The following EIF3A variants were observed in gnomAD, a reference collection of about 807,000 sequenced individuals.
The protein encoded by EIF3A is EIF3, p180 subunit.
EIF3A carries 21 observed loss-of-function variants against 186.6 expected under a neutral mutation model. The ratio of observed to expected loss-of-function variants is 0.11; its 90% CI spans 0.08 to 0.16. EIF3A has a LOEUF of 0.16. Ranked by LOEUF, EIF3A falls within the 10% of genes least tolerant of loss-of-function variation. The pLI is 1.00. For synonymous variants in EIF3A, 563 were observed against 584.3 expected, an observed-to-expected ratio of 0.96 and a Z score of 0.52; for missense variants, 1,306 against 1,796.3, an observed-to-expected ratio of 0.73 and a Z score of 4.93.
chr10:119,045,423 A>T (rs1471634602), intron 17 of EIF3A, among the ~76,000 whole-genome samples: 3 of 152,196 alleles, frequency 2.0e-5, no homozygotes, highest in African/African-American at 7.2e-5. Flanking sequence ...TCCCAAGTAA[A>T]CACCTTGAGA....
intron 14 of EIF3A, among the ~76,000 whole-genome samples, chr10:119,053,923 G>T (rs1479609107): frequency 6.6e-6 from 1 of 152,064 alleles, no homozygotes; most frequent in African/African-American, 2.4e-5. Flanking sequence ...TTCCTTTATT[G>T]ATTGATTGAT....
At position 119,080,700 on chromosome 10, in the gene EIF3A, C is replaced by G; in HGVS notation, c.-24G>C. 6.3e-7 allele frequency: 1 copy of G among 1,582,046 alleles called. No homozygotes were observed. Among genetic ancestry groups the G allele is most frequent in the Non-Finnish European group, 8.6e-7 (1 of 1,165,458 alleles). On this transcript the variant is annotated 5_prime_UTR_variant, in exon 1 of 22. Coordinates refer to ENST00000369144, the MANE Select transcript of EIF3A (RefSeq NM_003750.4). The stretch of plus-strand genomic sequence containing the variant: ...ATCTTGGCGGCAGGCTCAGCTCACC[C>G]GGCGTCAGCGAACTCTCTAGTGGCC...
intron 14 of EIF3A, among the ~76,000 whole-genome samples, chr10:119,055,747 AAAT>A (rs1843767371): frequency 6.6e-6 from 1 of 152,128 alleles, no homozygotes; most frequent in South Asian, 2.1e-4. Flanking sequence ...TAATAAAATA[AAAT>A]AATAAATATG....
rs372690463 is a variant in EIF3A at position 119,062,743 on chromosome 10, C to CTTTTT, written c.1123-1420_1123-1416dup. On this transcript the variant is annotated intron_variant, in intron 7 of 21. Transcript: ENST00000369144. ...ATTAAATCTAAGTCTAAGAGATCAC[C>CTTTTT]TTTTTTTTTTTTTTTTTTTTTTGAG... Among the ~76,000 whole-genome samples, 128 of 91,036 alleles carry CTTTTT rather than the reference C, an allele frequency of 1.4e-3. 3 individuals are homozygous for CTTTTT. Among genetic ancestry groups the CTTTTT allele is most frequent in the South Asian group, 4.6e-3 (11 of 2,400 alleles). 59.7% of individuals were successfully genotyped at this position (91,036 alleles called of 152,430 possible). A position where few individuals can be genotyped will look rare whatever the true frequency, so the allele number is the denominator to read the frequency against.
intron 3 of EIF3A, 25 bp downstream of exon 3, chr10:119,073,416 T>C (rs1159727006): frequency 6.6e-7 from 1 of 1,521,270 alleles, no homozygotes; most frequent in Admixed American, 2.0e-5. Context: ...TATCAAAGCA[T>C]TTATTAGAGG....
intron 18 of EIF3A, among the ~76,000 whole-genome samples, chr10:119,043,196 ATTTC>A (rs1267966702): frequency 2.0e-5 from 3 of 152,078 alleles, no homozygotes; most frequent in Non-Finnish European, 2.9e-5. Flanking sequence ...AGGCAGGCAG[ATTTC>A]TTGAGGTCAG....
intron 14 of EIF3A, among the ~76,000 whole-genome samples, chr10:119,054,353 T>C (rs948053143): frequency 3.9e-5 from 6 of 152,206 alleles, no homozygotes; most frequent in Non-Finnish European, 7.3e-5. Flanking sequence ...ACTTTTTCCA[T>C]ATCAGCAATA....
chr10:119,059,497 G>A, intron 10 of EIF3A, 100 bp from the exon 11 acceptor site: 4 of 1,305,108 alleles, frequency 3.1e-6, no homozygotes, highest in South Asian at 1.3e-5. Context: ...AGTTCACTCA[G>A]TAAACTTTAA....
In EIF3A at chr10:119,060,820, G is replaced by C; in HGVS notation, c.1252C>G (p.Pro418Ala). The C allele has an allele frequency of 1.9e-6, 3 of 1,611,104 alleles. No homozygotes were observed. The highest frequency in any genetic ancestry group is 2.5e-6 in the Non-Finnish European group (3 of 1,178,714). ...TKVLNWVREQ[P>A]EKEPELQQYV... ...TGCTGCAATTCCGGTTCCTTTTCAG[G>C]TTGTTCCCTAACCCAATTTAGAACC... Residue 418 changes from proline to alanine, a missense_variant, in exon 9 of 22, where the codon CCT (proline) becomes GCT (alanine). Coordinates refer to ENST00000369144, the MANE Select transcript of EIF3A (RefSeq NM_003750.4).
In EIF3A at chr10:119,072,922, A is replaced by G; in HGVS notation, c.509T>C (p.Val170Ala). 1 of 1,613,928 alleles carries G rather than the reference A, an allele frequency of 6.2e-7. No individual in the cohort carries two copies. Among genetic ancestry groups the G allele is most frequent in the Non-Finnish European group, 8.5e-7 (1 of 1,180,000 alleles). The change falls in exon 4 of 22, where the codon GTA (valine) becomes GCA (alanine). Residue 170 changes from valine (V) to alanine (A), a missense_variant. Transcript: ENST00000369144. ...CLDLLRNNSR[V>A]ERLYHDIAQQ... Reference sequence around the variant, plus strand: ...GGCAATATCATGGTACAGGCGCTCTACTCTAGAATTGTTTCTAAGAAGGTC... The same window carrying G: ...GGCAATATCATGGTACAGGCGCTCTGCTCTAGAATTGTTTCTAAGAAGGTC...
chr10:119,035,138 C>A lies in EIF3A; in HGVS notation c.*901G>T, dbSNP rs1378922604. On this transcript the variant is annotated 3_prime_UTR_variant, in exon 22 of 22. Coordinates refer to ENST00000369144, the MANE Select transcript of EIF3A (RefSeq NM_003750.4). ...ACCAAATAGTTCATCTTTAACATAG[C>A]TACTGCGCTCCAAAATTGAAGTCAA... is the stretch of plus-strand genomic sequence containing the variant. The A allele has an allele frequency of 1.3e-5, 2 of 152,382 alleles. No homozygotes were observed. The highest frequency in any genetic ancestry group is 4.8e-5 in the African/African-American group (2 of 41,370). The allele number at this position is 152,382 out of a possible 1,614,324, so 9.4% of individuals were successfully genotyped here.
intron 17 of EIF3A, among the ~76,000 whole-genome samples, chr10:119,046,473 T>C (rs1848283768): frequency 6.6e-6 from 1 of 152,142 alleles, no homozygotes; most frequent in African/African-American, 2.4e-5. Context: ...TTCGCTAATA[T>C]GGATGGAAAA....
Position 119,070,963 on chromosome 10 carries a change from TATTAAG to T in EIF3A, c.658_663del (p.Leu220_Asn221del), listed in dbSNP as rs1844061341. 3 of 1,613,916 alleles carry T rather than the reference TATTAAG, an allele frequency of 1.9e-6. No homozygotes were observed. The highest frequency in any genetic ancestry group is 1.3e-5 in the African/African-American group (1 of 74,936). ...AAATGCATGGACTGGCTCTCTGGAT[TATTAAG>T]ATTGATTGCCGTACTTTGGTTATGG... On this transcript the variant is annotated inframe_deletion, in exon 5 of 22. Transcript: ENST00000369144.
chr10:119,051,033 T>C (rs1776306048), intron 15 of EIF3A, among the ~76,000 whole-genome samples, 166 bp downstream of exon 15: 1 of 152,250 alleles, frequency 6.6e-6, no homozygotes. Flanking sequence ...TAGAACAATT[T>C]TGATGATTGT....
chr10:119,072,024 C>CAAAAAAAAAAAAAA (rs56100757), intron 4 of EIF3A, among the ~76,000 whole-genome samples: 7 of 59,454 alleles, frequency 1.2e-4, no homozygotes, highest in East Asian at 5.1e-4. Flanking sequence ...GACTCTGTCT[C>CAAAAAAAAAAAAAA]AAAAAAAAAA....
At chr10:119,060,111 AAAG>A (rs745369486) in intron 9 of EIF3A, 8 of 510,058 alleles carry the variant, frequency 1.6e-5, no homozygotes, top group South Asian at 8.6e-5. Flanking sequence ...TACTCACATA[AAAG>A]AAAGCAGGTC....
intron 17 of EIF3A, among the ~76,000 whole-genome samples, chr10:119,045,490 A>C (rs1183478024): frequency 6.6e-6 from 1 of 152,196 alleles, no homozygotes; most frequent in Admixed American, 6.5e-5. Context: ...GAGGGAACAA[A>C]TACAGCCAGA....
intron 7 of EIF3A, among the ~76,000 whole-genome samples, chr10:119,064,441 T>C (rs1395034343): frequency 6.6e-6 from 1 of 152,096 alleles, no homozygotes; most frequent in African/African-American, 2.4e-5. Flanking sequence ...TTTCTAATGA[T>C]TTAGCACCAT....
At chr10:119,036,798 TCA>T (rs1394824514) in intron 21 of EIF3A, among the ~76,000 whole-genome samples, 1 of 152,218 alleles carries the variant, frequency 6.6e-6, no homozygotes, top group Non-Finnish European at 1.5e-5. Flanking sequence ...TGTTACAATT[TCA>T]GAGAAAATGT....
Sources: allele counts gnomAD v4.1 joint callset (sites outside exome capture counted in the v4.1 genomes callset), GRCh38; gene constraint gnomAD v4.1.1; transcripts MANE v1.5; gene names NCBI Gene and HGNC (gene_info 2026-07-23, HGNC 2026-07-21).